ROBO4: variants seen among roughly 807,000 people sequenced by gnomAD.
ROBO4 encodes the protein roundabout guidance receptor 4, also known as roundabout homolog 4.
Under a neutral mutation model 103.3 loss-of-function variants are expected in ROBO4, and 80 were observed. That is an observed-to-expected ratio of 0.77 (90% CI 0.65 to 0.93). The LOEUF (loss-of-function observed/expected upper bound fraction) is 0.93. ROBO4 is among the 40% of genes least tolerant of loss of function. ROBO4 has a pLI of 0.00. For missense variants in ROBO4, 1,333 were observed against 1,305.3 expected, an observed-to-expected ratio of 1.02 and a Z score of -0.33; for synonymous variants, 504 against 529.7, an observed-to-expected ratio of 0.95 and a Z score of 0.67.
rs752816164 is a variant in ROBO4 at position 124,887,516 on chromosome 11, T to C, written c.2057-17A>G. ...GCACAGCTCCTGGGGAAGAGAAGCC[T>C]GGGTGTGAGAACAGTGGCATCCCCA... is the stretch of plus-strand genomic sequence containing the variant. On this transcript the variant is annotated splice_polypyrimidine_tract_variant and intron_variant, in intron 13 of 17. Coordinates refer to ENST00000306534, the MANE Select transcript of ROBO4 (RefSeq NM_019055.6). The C allele has an allele frequency of 6.2e-7, 1 of 1,613,190 alleles. No homozygotes were observed.
intron 15 of ROBO4, 49 bp from the exon 16 acceptor site, chr11:124,886,871 G>T (rs762991994): frequency 1.3e-6 from 2 of 1,530,848 alleles, no homozygotes; most frequent in South Asian, 1.3e-5. Context: ...TGGAATGAGG[G>T]TTGTAGTAAC....
Position 124,894,012 on chromosome 11 carries a change from C to T in ROBO4, c.1352G>A (p.Ser451Asn), listed in dbSNP as rs1946840258. Reference protein sequence around the residue: ...QAMERATQEPSEHGPWTLEQL... With the variant: ...QAMERATQEPNEHGPWTLEQL... ...CTCCAGGGTCCAGGGACCATGCTCA[C>T]TGGGTTCTTGGGTGGCTCGCTCCAT... The change falls in exon 9 of 18, where the codon AGT (serine) becomes AAT (asparagine). Residue 451 changes from serine to asparagine, a missense_variant. By Grantham distance (46) the Ser-to-Asn change is conservative. Transcript: ENST00000306534. 1.3e-6 allele frequency: 2 copies of T among 1,563,500 alleles called. No homozygotes were observed. The highest frequency in any genetic ancestry group is 1.7e-6 in the Non-Finnish European group (2 of 1,155,394).
rs770826297 is a variant in ROBO4 at position 124,895,609 on chromosome 11, G to A, written c.884C>T (p.Ala295Val). 7 of 1,613,618 alleles carry A rather than the reference G, an allele frequency of 4.3e-6. No homozygotes were observed. The highest frequency in any genetic ancestry group is 1.1e-5 in the South Asian group (1 of 91,080). Residue 295 changes from alanine to valine, a missense_variant, in exon 6 of 18, where the codon GCT (alanine) becomes GTT (valine). Ala to Val is a moderately conservative substitution (Grantham distance 64). Coordinates refer to ENST00000306534, the MANE Select transcript of ROBO4 (RefSeq NM_019055.6). The stretch of plus-strand genomic sequence containing the variant: ...GGCCAGCAGCTCCTCTGCCCACGGA[G>A]CTCCCTGGCCTCCCGGGGCAGTCTG... ...RTQTAPGGQG[A>V]PWAEELLAGW...
rs1391463855 is a variant in ROBO4, at chr11:124,896,218, G to A, written c.659C>T (p.Ala220Val). 3 of 1,614,120 alleles carry A rather than the reference G, an allele frequency of 1.9e-6. No homozygotes were observed. The highest frequency in any genetic ancestry group is 1.1e-5 in the South Asian group (1 of 91,086). ...CTTACCCTGGATGGAAACCCGGGCT[G>A]CGCGGCTCTCCCTATGTCCTGCGCT... Reference protein sequence around the residue: ...TNSAGHRESRAARVSIQEPQD... With the variant: ...TNSAGHRESRVARVSIQEPQD... Residue 220 changes from alanine to valine, a missense_variant, in exon 4 of 18, where the codon GCA (alanine) becomes GTA (valine). Ala to Val is a moderately conservative substitution (Grantham distance 64). Transcript: ENST00000306534.
chr11:124,893,627 T>C, intron 10 of ROBO4, 61 bp downstream of exon 10: 1 of 1,481,148 alleles, frequency 6.8e-7, no homozygotes, highest in Non-Finnish European at 9.4e-7. Context: ...TTCTTCTCTG[T>C]TGCAGCTCCA....
At chr11:124,891,210 C>T in intron 12 of ROBO4, 89 bp downstream of exon 12, 2 of 1,450,592 alleles carry the variant, frequency 1.4e-6, no homozygotes, top group South Asian at 1.7e-5. Flanking sequence ...GCACGCCCCT[C>T]CAGGCTTTGA....
In ROBO4 at chr11:124,887,095, C is replaced by G. The variant is rs751276070; in HGVS notation, c.2317G>C (p.Ala773Pro). 17 of 1,613,576 alleles carry G rather than the reference C, an allele frequency of 1.1e-5. No individual in the cohort carries two copies. The highest frequency in any genetic ancestry group is 1.4e-5 in the Non-Finnish European group (16 of 1,179,798). The change falls in exon 15 of 18, where the codon GCT becomes CCT. Residue 773 changes from alanine to proline, a missense_variant. Coordinates refer to ENST00000306534, the MANE Select transcript of ROBO4 (RefSeq NM_019055.6). ...GAGGAGCTGGACAGGCGACTGGAAG[C>G]TGGGCTGGGGCCAGAGAGGGAAGAG... ...QASSLSGPSP[A>P]SSRLSSSSLS...
intron 5 of ROBO4, 34 bp downstream of exon 5, chr11:124,895,751 G>T (rs1946877623): frequency 1.9e-6 from 3 of 1,613,614 alleles, no homozygotes; most frequent in Non-Finnish European, 2.5e-6. Flanking sequence ...CTTGAGCTCT[G>T]GATCGGCTTT....
rs763186591 is a variant in ROBO4 at position 124,887,853 on chromosome 11, G to T, written c.1949-13C>A. The T allele has an allele frequency of 4.4e-6, 7 of 1,607,776 alleles. No individual in the cohort carries two copies. The African/African-American group carries it at 9.4e-5, about 22-fold the overall frequency. The stretch of plus-strand genomic sequence containing the variant: ...GCATGCTGCAGCTCTGCAAAGAAAG[G>T]GTTGGTGGTTGTGGGGCCCAGGATG... On this transcript the variant is annotated splice_polypyrimidine_tract_variant and intron_variant, in intron 12 of 17. Transcript: ENST00000306534.
In ROBO4 at chr11:124,896,661, T is replaced by C. The variant is rs553064187; in HGVS notation, c.410A>G (p.Glu137Gly). The change falls in exon 3 of 18, where the codon GAG becomes GGG. Residue 137 changes from glutamate to glycine, a missense_variant. Glu to Gly is a moderately conservative substitution (Grantham distance 98). Coordinates refer to ENST00000306534, the MANE Select transcript of ROBO4 (RefSeq NM_019055.6). Reference protein sequence around the residue: ...GARLSVAVLREDFQIQPRDMV... With the variant: ...GARLSVAVLRGDFQIQPRDMV... ...GTCCCGAGGCTGGATCTGGAAATCCTCCCGGAGGACTGTGGGGAGGATGGA... is the reference window on the plus strand; with the variant it reads ...GTCCCGAGGCTGGATCTGGAAATCCCCCCGGAGGACTGTGGGGAGGATGGA... The C allele has an allele frequency of 3.1e-6, 5 of 1,613,966 alleles. No homozygotes were observed. The South Asian group carries it at 3.3e-5, about 11-fold the overall frequency.
intron 8 of ROBO4, 28 bp from the exon 9 acceptor site, chr11:124,894,073 G>C (rs1335081734): frequency 1.3e-6 from 2 of 1,540,428 alleles, no homozygotes; most frequent in Admixed American, 1.9e-5. Flanking sequence ...CTCAGAGGGA[G>C]AGGGAGTCGA....
rs111600740 is a variant in ROBO4, at chr11:124,886,924, G to A, written c.2435+53C>T. 297 of 1,559,954 alleles carry A rather than the reference G, an allele frequency of 1.9e-4. 2 individuals are homozygous for A. The African/African-American group carries it at 2.8e-3, about 15-fold the overall frequency. Reference sequence around the variant, plus strand: ...GGGAGGGCGGAATGGGTGGAGAGGCGCTTGCCCCCACAGCTTTTCTGTAGT... The same window carrying A: ...GGGAGGGCGGAATGGGTGGAGAGGCACTTGCCCCCACAGCTTTTCTGTAGT... On this transcript the variant is annotated intron_variant, in intron 15 of 17. Coordinates refer to ENST00000306534, the MANE Select transcript of ROBO4 (RefSeq NM_019055.6).
At chr11:124,886,372 A>G in intron 16 of ROBO4, 92 bp downstream of exon 16, 1 of 986,524 alleles carries the variant, frequency 1.0e-6, no homozygotes, top group Non-Finnish European at 1.5e-6. Flanking sequence ...ATCATTCAAT[A>G]AAACTAGTTG....
Position 124,895,784 on chromosome 11 carries a change from C to T in ROBO4, c.807+1G>A. 6.2e-7 allele frequency: 1 copy of T among 1,614,166 alleles called. No individual in the cohort carries two copies. Among genetic ancestry groups the T allele is most frequent in the South Asian group, 1.1e-5 (1 of 91,090 alleles). ...TTTTACCCTTAGCACCTGGTCCTCA[C>T]CTTCCAGCTGAGCCACACCGCCGGT... On this transcript the variant is annotated splice_donor_variant, in intron 5 of 17. Transcript: ENST00000306534. LOFTEE classifies it high-confidence loss of function.
chr11:124,896,998 A>G lies in ROBO4; in HGVS notation c.334T>C (p.Tyr112His). The G allele has an allele frequency of 6.2e-7, 1 of 1,614,066 alleles. No individual in the cohort carries two copies. Among genetic ancestry groups the G allele is most frequent in the Admixed American group, 1.7e-5 (1 of 60,018 alleles). Residue 112 changes from tyrosine (Y) to histidine (H), a missense_variant, in exon 2 of 18, where the codon TAC becomes CAC. Transcript: ENST00000306534. Reference protein sequence around the residue: ...GQALSTDLGVYTCEASNRLGT... With the variant: ...GQALSTDLGVHTCEASNRLGT... ...AGCCGGTTGCTGGCCTCACATGTGT[A>G]GACACCCAGGTCTGTGGACAGGGCC...
At position 124,884,625 on chromosome 11, in the gene ROBO4, G is replaced by A. The variant is rs1449584650; in HGVS notation, c.*266C>T. 7.2e-6 allele frequency: 4 copies of A among 558,320 alleles called. No individual in the cohort carries two copies. The highest frequency in any genetic ancestry group is 5.6e-5 in the African/African-American group (3 of 53,126). The allele number at this position is 558,320 out of a possible 1,614,324, so 34.6% of individuals were successfully genotyped here. On this transcript the variant is annotated 3_prime_UTR_variant, in exon 18 of 18. Transcript: ENST00000306534. ...CCTCAGGCCAAAACAACCTGGTGGTGGGAGTGGATGGCACAGAGGAGAAAG... is the reference window on the plus strand; with the variant it reads ...CCTCAGGCCAAAACAACCTGGTGGTAGGAGTGGATGGCACAGAGGAGAAAG...
chr11:124,887,029 G>A lies in ROBO4; in HGVS notation c.2383C>T (p.Pro795Ser). 1.9e-6 allele frequency: 3 copies of A among 1,613,966 alleles called. No homozygotes were observed. Among genetic ancestry groups the A allele is most frequent in the African/African-American group, 1.3e-5 (1 of 74,998 alleles). Reference protein sequence around the residue: ...LGEDQDSVLTPEEVALCLELS... With the variant: ...LGEDQDSVLTSEEVALCLELS... ...TCCAAGCACAGGGCTACCTCCTCAG[G>A]GGTCAGCACGCTGTCTTGATCCTCC... Residue 795 changes from proline (P) to serine (S), a missense_variant, in exon 15 of 18, where the codon CCT (proline) becomes TCT (serine). Transcript: ENST00000306534.
In ROBO4 at chr11:124,891,771, C is replaced by CT; in HGVS notation, c.1578dup (p.Asp527ArgfsTer62). ...GAGCCAGAGGTGGAACGCCAAGTGT[C>CT]TGCCAACCACTGGGAGTCACTGTGA... is the stretch of plus-strand genomic sequence containing the variant. On this transcript the variant is annotated frameshift_variant, in exon 11 of 18. Coordinates refer to ENST00000306534, the MANE Select transcript of ROBO4 (RefSeq NM_019055.6). LOFTEE classifies it high-confidence loss of function. The CT allele has an allele frequency of 6.2e-7, 1 of 1,614,152 alleles. No individual in the cohort carries two copies. Among genetic ancestry groups the CT allele is most frequent in the Non-Finnish European group, 8.5e-7 (1 of 1,180,034 alleles).
intron 4 of ROBO4, 139 bp downstream of exon 4, chr11:124,896,058 AG>A (rs1306160853): frequency 2.0e-6 from 3 of 1,512,298 alleles, no homozygotes; most frequent in South Asian, 1.2e-5. Flanking sequence ...CTACTCTAGC[AG>A]GGGGGAACCT....
Sources: gnomAD v4.1 joint callset for allele counts on GRCh38, gnomAD v4.1.1 for gene constraint, MANE v1.5 for transcripts, NCBI Gene and HGNC (gene_info 2026-07-23, HGNC 2026-07-21) for gene names.